The following AGBL4 variants were observed in gnomAD, a reference collection of about 807,000 sequenced individuals.
AGBL4 encodes AGBL carboxypeptidase 4.
A neutral mutation model predicts 66.4 loss-of-function variants in AGBL4; 58 were observed. The ratio of observed to expected loss-of-function variants is 0.87; its 90% CI spans 0.71 to 1.09. The LOEUF is 1.09. Among genes scored for constraint, AGBL4 ranks in the 50% least tolerant of loss-of-function variants. AGBL4 has a pLI of 0.00. For synonymous variants in AGBL4, 234 were observed against 222.9 expected, an observed-to-expected ratio of 1.05 and a Z score of -0.44; for missense variants, 579 against 631.0, an observed-to-expected ratio of 0.92 and a Z score of 0.88.
intron 3 of AGBL4, among the ~76,000 whole-genome samples, chr1:49,686,678 T>A (rs1490584961): frequency 6.6e-6 from 1 of 152,184 alleles, no homozygotes; most frequent in East Asian, 1.9e-4. Context: ...GATTCCTGAA[T>A]GCCTAGAGCA....
At chr1:49,906,678 CAAT>C (rs2148201625) in intron 1 of AGBL4, among the ~76,000 whole-genome samples, 1 of 151,896 alleles carries the variant, frequency 6.6e-6, no homozygotes, top group Non-Finnish European at 1.5e-5. Context: ...CCATTTCCAA[CAAT>C]AAGATGTGAT....
chr1:49,377,743 C>T (rs911533711), intron 3 of AGBL4, among the ~76,000 whole-genome samples: 17 of 152,008 alleles, frequency 1.1e-4, no homozygotes, highest in Admixed American at 4.6e-4. Flanking sequence ...GAGGGCCAGG[C>T]GCATACAGCA....
chr1:49,486,292 AT>A (rs1647064994), intron 3 of AGBL4, among the ~76,000 whole-genome samples: 1 of 152,058 alleles, frequency 6.6e-6, no homozygotes, highest in African/African-American at 2.4e-5. Context: ...AGATGTCATC[AT>A]ATGTATTGTT....
intron 3 of AGBL4, among the ~76,000 whole-genome samples, chr1:49,515,361 T>C (rs1452767319): frequency 2.0e-5 from 3 of 152,118 alleles, no homozygotes; most frequent in South Asian, 4.1e-4. Context: ...CTAGTTAGAA[T>C]GGACATCATT....
At chr1:48,932,466 A>C (rs1406234305) in intron 5 of AGBL4, among the ~76,000 whole-genome samples, 11 of 152,172 alleles carry the variant, frequency 7.2e-5, no homozygotes, top group Non-Finnish European at 1.3e-4. Flanking sequence ...TGGCTGTCAA[A>C]AGACCAGAGA....
At chr1:48,591,007 A>G (rs376442123) in intron 9 of AGBL4, 22 bp from the exon 10 acceptor site, 24 of 1,596,940 alleles carry the variant, frequency 1.5e-5, no homozygotes, top group Non-Finnish European at 1.8e-5. Context: ...AAGGATAACA[A>G]ATGAGAAGTC....
At chr1:48,670,115 G>C (rs182978015) in intron 6 of AGBL4, among the ~76,000 whole-genome samples, 1 of 152,322 alleles carries the variant, frequency 6.6e-6, no homozygotes, top group East Asian at 1.9e-4. Flanking sequence ...AATATCAGGC[G>C]CTGGGGACAG....
At chr1:49,265,886 G>T (rs1402779148) in intron 3 of AGBL4, among the ~76,000 whole-genome samples, 1 of 152,054 alleles carries the variant, frequency 6.6e-6, no homozygotes, top group Non-Finnish European at 1.5e-5. Context: ...TAAGGATATA[G>T]AGAGACAGAT....
At chr1:49,102,739 T>G (rs1288982984) in intron 4 of AGBL4, among the ~76,000 whole-genome samples, 1 of 152,124 alleles carries the variant, frequency 6.6e-6, no homozygotes, top group East Asian at 1.9e-4. Context: ...CCATTGAAAA[T>G]CTAGGCTTAG....
intron 3 of AGBL4, among the ~76,000 whole-genome samples, chr1:49,591,460 G>A (rs1311188168): frequency 1.3e-5 from 2 of 152,030 alleles, no homozygotes; most frequent in South Asian, 2.1e-4. Context: ...GAATAGGCCT[G>A]TATTAAGTAA....
intron 4 of AGBL4, among the ~76,000 whole-genome samples, chr1:49,212,761 T>C (rs1343558660): frequency 1.3e-5 from 2 of 152,122 alleles, no homozygotes; most frequent in African/African-American, 4.8e-5. Context: ...TTTGGCCCTG[T>C]ATAGAGTTGT....
At chr1:49,346,609 T>C (rs1397112163) in intron 3 of AGBL4, among the ~76,000 whole-genome samples, 1 of 152,242 alleles carries the variant, frequency 6.6e-6, no homozygotes, top group African/African-American at 2.4e-5. Context: ...TCACCTTTTG[T>C]TGGGATTCAA....
intron 1 of AGBL4, among the ~76,000 whole-genome samples, chr1:49,852,738 G>T (rs1646336713): frequency 6.6e-6 from 1 of 152,102 alleles, no homozygotes; most frequent in African/African-American, 2.4e-5. Flanking sequence ...ACTATAAATG[G>T]ATATACCTCT....
intron 3 of AGBL4, among the ~76,000 whole-genome samples, chr1:49,506,168 A>G (rs1648665074): frequency 1.3e-5 from 2 of 152,080 alleles, no homozygotes; most frequent in South Asian, 2.1e-4. Flanking sequence ...AAAGGGCTAT[A>G]TAGCACATAT....
At chr1:49,472,934 C>T (rs1179427510) in intron 3 of AGBL4, among the ~76,000 whole-genome samples, 1 of 151,944 alleles carries the variant, frequency 6.6e-6, no homozygotes. Context: ...GTTTTCTGTT[C>T]CTGCATTAAT....
intron 1 of AGBL4, among the ~76,000 whole-genome samples, chr1:49,916,758 G>C (rs1380135634): frequency 2.0e-5 from 3 of 152,252 alleles, no homozygotes; most frequent in African/African-American, 7.2e-5. Context: ...TCCTTGAGAA[G>C]AGCAACTCCA....
intron 2 of AGBL4, among the ~76,000 whole-genome samples, chr1:49,789,986 T>C (rs540313742): frequency 3.2e-4 from 49 of 152,174 alleles, no homozygotes; most frequent in African/African-American, 1.2e-3. Flanking sequence ...AACAGATATA[T>C]AGACCAATGG....
chr1:49,765,108 A>G (rs1195784380), intron 2 of AGBL4, among the ~76,000 whole-genome samples: 3 of 152,266 alleles, frequency 2.0e-5, no homozygotes, highest in Non-Finnish European at 4.4e-5. Flanking sequence ...CAGAGGCTCC[A>G]GCATTGCCCA....
chr1:48,803,303 T>C (rs2148746418), intron 6 of AGBL4, among the ~76,000 whole-genome samples: 1 of 152,296 alleles, frequency 6.6e-6, no homozygotes, highest in Middle Eastern at 3.4e-3. Flanking sequence ...AAGTCTGGCA[T>C]TGAAAAGAGC....
Sources: allele counts gnomAD v4.1 joint callset (sites outside exome capture counted in the v4.1 genomes callset), GRCh38; gene constraint gnomAD v4.1.1; transcripts MANE v1.5; gene names NCBI Gene and HGNC (gene_info 2026-07-23, HGNC 2026-07-21).